Variants in MCTP2 observed in about 807,000 individuals in gnomAD.
MCTP2 encodes the protein multiple C2 and transmembrane domain containing 2.
Under a neutral mutation model 111.6 loss-of-function variants are expected in MCTP2, and 132 were observed. The observed-to-expected ratio is 1.18, with a 90% CI of 1.03 to 1.37. The LOEUF (loss-of-function observed/expected upper bound fraction) is 1.37, where lower values mean the gene tolerates loss of function less well. MCTP2 is among the 40% of genes most tolerant of loss of function. The probability of loss-of-function intolerance (pLI) is 0.00; values close to 1 mark genes in which losing one functional copy is unlikely to be tolerated. For missense variants in MCTP2, 1,183 were observed against 1,067.9 expected (o/e 1.11, Z -1.50); for synonymous variants, 395 against 387.7 (o/e 1.02, Z -0.22).
At chr15:94,438,874 A>C (rs1205204915) in intron 17 of MCTP2, among the ~76,000 whole-genome samples, 1 of 152,198 alleles carries the variant, frequency 6.6e-6, no homozygotes, top group Non-Finnish European at 1.5e-5. Context: ...AAAGCCACGA[A>C]TTAAACAGTG....
rs753349952 is a variant in MCTP2, at chr15:94,476,649, T to TAGACAGAC, written c.2471-39_2471-32dup. On this transcript the variant is annotated intron_variant, in intron 21 of 22. Coordinates refer to ENST00000357742, the MANE Select transcript of MCTP2 (RefSeq NM_001385001.1). ...ATAGATAGATAGATAGATAGATAGA[T>TAGACAGAC]AGACAGACAGACAGATAAAGAGATC... 222 of 736,796 alleles carry TAGACAGAC rather than the reference T, an allele frequency of 3.0e-4. 1 individual carries two copies. In the African/African-American group the frequency reaches 4.0e-3, roughly 13 times the overall value. The allele number at this position is 736,796 out of a possible 1,614,324, so 45.6% of individuals were successfully genotyped here. A position where few individuals can be genotyped will look rare whatever the true frequency, so the allele number is the denominator to read the frequency against.
chr15:94,367,121 A>G (rs922671234), intron 10 of MCTP2, among the ~76,000 whole-genome samples: 7 of 152,212 alleles, frequency 4.6e-5, no homozygotes, highest in African/African-American at 1.7e-4. Context: ...GCCAGTTGGC[A>G]TTAATCAGGA....
intron 1 of MCTP2, among the ~76,000 whole-genome samples, chr15:94,277,065 T>G (rs563852155): frequency 1.3e-5 from 2 of 152,034 alleles, no homozygotes; most frequent in African/African-American, 4.8e-5. Flanking sequence ...TACAGACACA[T>G]TATTGGAGTG....
chr15:94,425,525 C>CATTATA (rs1221645918), intron 17 of MCTP2, among the ~76,000 whole-genome samples: 1 of 151,324 alleles, frequency 6.6e-6, no homozygotes, highest in Non-Finnish European at 1.5e-5. Context: ...AAAAAAACAG[C>CATTATA]AGAATGATAC....
At chr15:94,444,836 C>G (rs182573282) in intron 19 of MCTP2, among the ~76,000 whole-genome samples, 2 of 152,178 alleles carry the variant, frequency 1.3e-5, no homozygotes, top group African/African-American at 4.8e-5. Context: ...TCCTGTTTGG[C>G]CAAGCCTGTT....
intron 4 of MCTP2, among the ~76,000 whole-genome samples, chr15:94,330,705 A>C (rs901410486): frequency 6.6e-6 from 1 of 151,182 alleles, no homozygotes; most frequent in African/African-American, 2.5e-5. Context: ...GGGGTGACCA[A>C]GAATAGAGAT....
Position 94,240,498 on chromosome 15 carries a change from C to G in MCTP2, c.-66+8834C>G, listed in dbSNP as rs149903220. ...TCCAACTAAGATTTCAGAAATTCCTCTACCTCCTGAGTTTGGAAGTAGCTG... is the reference window on the plus strand; with the variant it reads ...TCCAACTAAGATTTCAGAAATTCCTGTACCTCCTGAGTTTGGAAGTAGCTG... On this transcript the variant is annotated intron_variant, in intron 1 of 22. Transcript: ENST00000357742. Among the ~76,000 whole-genome samples the G allele has an allele frequency of 1.1e-3, 174 of 152,322 alleles. 1 individual carries two copies. Among genetic ancestry groups the G allele is most frequent in the African/African-American group, 4.0e-3 (168 of 41,576 alleles).
chr15:94,421,829 A>G (rs946242951), intron 17 of MCTP2, among the ~76,000 whole-genome samples: 1 of 152,174 alleles, frequency 6.6e-6, no homozygotes, highest in African/African-American at 2.4e-5. Flanking sequence ...GTCCCATAAC[A>G]TAACAGGTTC....
At chr15:94,299,807 A>C (rs2075513769) in intron 2 of MCTP2, among the ~76,000 whole-genome samples, 1 of 152,182 alleles carries the variant, frequency 6.6e-6, no homozygotes, top group African/African-American at 2.4e-5. Flanking sequence ...TGCTTATTCC[A>C]TGTATCAGGG....
At chr15:94,413,251 G>A (rs143651497) in intron 17 of MCTP2, among the ~76,000 whole-genome samples, 229 of 152,006 alleles carry the variant, frequency 1.5e-3, no homozygotes, top group African/African-American at 5.2e-3. Context: ...TGATACAATC[G>A]TCTATAAGCA....
intron 14 of MCTP2, among the ~76,000 whole-genome samples, chr15:94,395,493 T>G (rs1476433345): frequency 6.6e-6 from 1 of 152,222 alleles, no homozygotes; most frequent in Non-Finnish European, 1.5e-5. Context: ...ATCAAAGATC[T>G]TTATAGGAAA....
chr15:94,400,827 C>G (rs915106244), intron 16 of MCTP2, among the ~76,000 whole-genome samples: 3 of 152,068 alleles, frequency 2.0e-5, no homozygotes, highest in African/African-American at 2.4e-5. Context: ...GTCTTATCAT[C>G]CTTTTGTTTC....
chr15:94,283,134 C>T (rs1366883528), intron 1 of MCTP2, among the ~76,000 whole-genome samples: 1 of 152,126 alleles, frequency 6.6e-6, no homozygotes, highest in Non-Finnish European at 1.5e-5. Flanking sequence ...TAGGTGGGGT[C>T]TGCTGTTGAA....
chr15:94,456,042 A>G (rs889094502), intron 19 of MCTP2, among the ~76,000 whole-genome samples: 1 of 152,228 alleles, frequency 6.6e-6, no homozygotes, highest in African/African-American at 2.4e-5. Flanking sequence ...TGAAATAAAA[A>G]TGGAATAGTT....
At chr15:94,294,622 T>A (rs540716866) in intron 1 of MCTP2, among the ~76,000 whole-genome samples, 1 of 152,218 alleles carries the variant, frequency 6.6e-6, no homozygotes, top group Non-Finnish European at 1.5e-5. Context: ...CAACTTTGTT[T>A]ACAGCAACTC....
intron 20 of MCTP2, among the ~76,000 whole-genome samples, chr15:94,463,993 T>C (rs1262573098): frequency 3.3e-5 from 5 of 151,774 alleles, no homozygotes; most frequent in Non-Finnish European, 7.4e-5. Flanking sequence ...GCTTAGGATT[T>C]TTGCAGTTAT....
At chr15:94,267,869 CTT>C (rs755287019) in intron 1 of MCTP2, among the ~76,000 whole-genome samples, 3 of 77,446 alleles carry the variant, frequency 3.9e-5, no homozygotes, top group African/African-American at 5.7e-5. Context: ...CCTTTTCTTT[CTT>C]TTTTTTTTTT....
At chr15:94,399,838 A>T (rs1596586671) in intron 15 of MCTP2, 83 bp from the exon 16 acceptor site, 1 of 1,207,024 alleles carries the variant, frequency 8.3e-7, no homozygotes, top group East Asian at 2.3e-5. Flanking sequence ...ATTGGTCTGC[A>T]CGATTTTCCC....
intron 1 of MCTP2, among the ~76,000 whole-genome samples, chr15:94,283,988 C>T (rs2074626147): frequency 6.6e-6 from 1 of 152,094 alleles, no homozygotes; most frequent in African/African-American, 2.4e-5. Flanking sequence ...ATATAGCTTG[C>T]AATTATAGGT....
Sources: gnomAD v4.1 joint callset for allele counts (sites outside exome capture counted in the v4.1 genomes callset) on GRCh38, gnomAD v4.1.1 for gene constraint, MANE v1.5 for transcripts, NCBI Gene and HGNC (gene_info 2026-07-23, HGNC 2026-07-21) for gene names.